Variants in PPM1H observed in about 807,000 individuals in gnomAD.
The protein encoded by PPM1H is protein phosphatase 1H.
PPM1H carries 27 observed loss-of-function variants against 54.9 expected under a neutral mutation model. That is an observed-to-expected ratio of 0.49 (90% CI 0.36 to 0.68). PPM1H has a LOEUF of 0.68. Among genes scored for constraint, PPM1H ranks in the 30% least tolerant of loss-of-function variants. PPM1H has a pLI of 0.00. For synonymous variants in PPM1H, 305 were observed against 270.8 expected (o/e 1.13, Z -1.24); for missense variants, 596 against 667.8 (o/e 0.89, Z 1.19).
intron 4 of PPM1H, among the ~76,000 whole-genome samples, chr12:62,764,823 G>C (rs905348848): frequency 6.6e-6 from 1 of 152,208 alleles, no homozygotes. Context: ...ACTGGCACGG[G>C]GGGCCATGGA....
chr12:62,930,583 A>G (rs999923943), intron 1 of PPM1H, among the ~76,000 whole-genome samples: 11 of 152,182 alleles, frequency 7.2e-5, no homozygotes, highest in Admixed American at 2.0e-4. Context: ...CAGGATAAAA[A>G]TCGGGCAAAC....
At chr12:62,783,996 C>T (rs79546352) in intron 4 of PPM1H, among the ~76,000 whole-genome samples, 2,154 of 152,312 alleles carry the variant, frequency 0.014, 22 homozygotes, top group Non-Finnish European at 0.02. Flanking sequence ...TTGCATATTG[C>T]TTTGCATGAC....
At chr12:62,932,638 T>TTTTTTTTTTTTTTTTTTA (rs1872180917) in intron 1 of PPM1H, among the ~76,000 whole-genome samples, 1 of 129,316 alleles carries the variant, frequency 7.7e-6, no homozygotes, top group East Asian at 2.2e-4. Flanking sequence ...CTTTTTTTTT[T>TTTTTTTTTTTTTTTTTTA]TTTTTTTTTT....
intron 3 of PPM1H, among the ~76,000 whole-genome samples, chr12:62,790,544 C>T (rs2076696420): frequency 6.6e-6 from 1 of 152,054 alleles, no homozygotes; most frequent in Non-Finnish European, 1.5e-5. Context: ...TGTGCTTTAG[C>T]CGGGGTGACA....
intron 4 of PPM1H, among the ~76,000 whole-genome samples, chr12:62,767,421 C>T (rs945339495): frequency 5.3e-5 from 8 of 152,150 alleles, no homozygotes; most frequent in Admixed American, 6.5e-5. Context: ...TGCCTTTAAC[C>T]TCTCTGTAAG....
intron 6 of PPM1H, among the ~76,000 whole-genome samples, chr12:62,706,361 C>T (rs903156231): frequency 2.0e-5 from 3 of 152,262 alleles, no homozygotes; most frequent in East Asian, 1.9e-4. Context: ...TAACAGCTGT[C>T]GATATTTACC....
intron 4 of PPM1H, among the ~76,000 whole-genome samples, chr12:62,765,597 C>A (rs911744414): frequency 6.6e-6 from 1 of 152,184 alleles, no homozygotes; most frequent in Non-Finnish European, 1.5e-5. Context: ...TTGATTCCTG[C>A]CACAAACAAG....
intron 1 of PPM1H, among the ~76,000 whole-genome samples, chr12:62,853,154 T>C (rs1869258532): frequency 6.6e-6 from 1 of 152,084 alleles, no homozygotes; most frequent in East Asian, 1.9e-4. Flanking sequence ...CAATAATGGT[T>C]TGTGCTTCTG....
intron 1 of PPM1H, among the ~76,000 whole-genome samples, chr12:62,917,465 C>T (rs887231985): frequency 6.6e-6 from 1 of 152,108 alleles, no homozygotes; most frequent in African/African-American, 2.4e-5. Context: ...TATCTACATA[C>T]CTTACAAATT....
chr12:62,656,080 T>G (rs1419164458), intron 9 of PPM1H, among the ~76,000 whole-genome samples: 1 of 152,196 alleles, frequency 6.6e-6, no homozygotes, highest in African/African-American at 2.4e-5. Context: ...AACCACTGAC[T>G]CTTAAAGTCA....
intron 1 of PPM1H, among the ~76,000 whole-genome samples, chr12:62,843,528 TG>T (rs1868836588): frequency 6.6e-6 from 1 of 152,244 alleles, no homozygotes; most frequent in African/African-American, 2.4e-5. Flanking sequence ...CATTATGTAT[TG>T]TGCTCACACA....
chr12:62,727,542 A>G lies in PPM1H; in HGVS notation c.955-7253T>C, dbSNP rs535777813. 1.4e-4 allele frequency among the ~76,000 whole-genome samples: 22 copies of G among 152,020 alleles called. 1 individual carries two copies. Among genetic ancestry groups the G allele is most frequent in the African/African-American group, 5.1e-4 (21 of 41,544 alleles). On this transcript the variant is annotated intron_variant, in intron 5 of 9. Coordinates refer to ENST00000228705, the MANE Select transcript of PPM1H (RefSeq NM_020700.2). ...TAAAACCCCATGATGTTATTTTACA[A>G]TCCTAAGAATACCTAAATAATAATG...
intron 8 of PPM1H, among the ~76,000 whole-genome samples, chr12:62,686,617 TA>T (rs1258862686): frequency 1.3e-5 from 2 of 152,226 alleles, no homozygotes; most frequent in African/African-American, 4.8e-5. Flanking sequence ...CACCAGCTTC[TA>T]GGGGGAACTT....
intron 1 of PPM1H, among the ~76,000 whole-genome samples, chr12:62,878,732 G>C (rs1870276526): frequency 6.6e-6 from 1 of 151,290 alleles, no homozygotes; most frequent in Non-Finnish European, 1.5e-5. Flanking sequence ...TTGAGGTCAG[G>C]AGTTCGAGAC....
chr12:62,659,007 A>G, intron 9 of PPM1H: 2 of 723,058 alleles, frequency 2.8e-6, no homozygotes, highest in Non-Finnish European at 5.1e-6. Context: ...TATGGGAGCA[A>G]CAGAAAAACA....
intron 1 of PPM1H, among the ~76,000 whole-genome samples, chr12:62,865,947 T>C (rs1869759232): frequency 6.6e-6 from 1 of 152,218 alleles, no homozygotes; most frequent in African/African-American, 2.4e-5. Flanking sequence ...CAGCGACTAT[T>C]GGGTCCCAGC....
intron 2 of PPM1H, among the ~76,000 whole-genome samples, chr12:62,822,444 T>G (rs1417380440): frequency 3.9e-5 from 6 of 152,298 alleles, no homozygotes; most frequent in African/African-American, 1.4e-4. Flanking sequence ...ATCAACAGAC[T>G]ATACATTCTT....
At chr12:62,807,544 G>C (rs1565794784) in intron 2 of PPM1H, among the ~76,000 whole-genome samples, 1 of 152,198 alleles carries the variant, frequency 6.6e-6, no homozygotes, top group Admixed American at 6.5e-5. Flanking sequence ...CATCAGCTGA[G>C]TGGTGGCAGG....
chr12:62,802,154 C>A lies in PPM1H; in HGVS notation c.418G>T (p.Glu140Ter). The stretch of plus-strand genomic sequence containing the variant: ...GACCAATAGTGGCAGGAAACACCCT[C>A]GGATTCCTGTGGGAGAGGACGACAG... ...GLQLKENSES[E>*]GVSCHYWSLF... is the part of the protein sequence containing the mutation. Residue 140 changes from glutamate (E) to a stop codon, truncating the protein, a stop_gained, in exon 3 of 10, where the codon GAG becomes TAG. Transcript: ENST00000228705. LOFTEE classifies it high-confidence loss of function. 2 of 1,563,674 alleles carry A rather than the reference C, an allele frequency of 1.3e-6. No individual in the cohort carries two copies. Among genetic ancestry groups the A allele is most frequent in the Non-Finnish European group, 1.7e-6 (2 of 1,152,468 alleles).
Sources: allele counts gnomAD v4.1 joint callset (sites outside exome capture counted in the v4.1 genomes callset), GRCh38; gene constraint gnomAD v4.1.1; transcripts MANE v1.5; gene names NCBI Gene and HGNC (gene_info 2026-07-23, HGNC 2026-07-21).